SPMIP2: variants seen among roughly 807,000 people sequenced by gnomAD.
SPMIP2 encodes the protein protein SPMIP2.
the SPMIP2 span, chr4:158,973,238 C>A: frequency 1.2e-6 from 2 of 1,613,692 alleles, no homozygotes; most frequent in Non-Finnish European, 8.5e-7. Flanking sequence ...TTTTTTCTAA[C>A]GCCAGATGCT....
At chr4:159,009,619 TATC>T in the SPMIP2 span, among the ~76,000 whole-genome samples, 4 of 152,278 alleles carry the variant, frequency 2.6e-5, no homozygotes, top group South Asian at 8.3e-4. Context: ...AAGGTAATCT[TATC>T]TTCAAATGTC....
the SPMIP2 span, among the ~76,000 whole-genome samples, chr4:159,031,846 T>C: frequency 4.6e-5 from 7 of 152,170 alleles, no homozygotes; most frequent in African/African-American, 1.7e-4. Flanking sequence ...TGTTTTAAAA[T>C]AGTCACAATA....
the SPMIP2 span, among the ~76,000 whole-genome samples, chr4:158,909,666 C>G: frequency 2.7e-5 from 4 of 150,916 alleles, no homozygotes; most frequent in African/African-American, 7.3e-5. Context: ...CCTCAAACTT[C>G]TGGCCTCAAG....
the SPMIP2 span, chr4:159,007,201 G>A: frequency 1.3e-4 from 171 of 1,320,320 alleles, no homozygotes; most frequent in Non-Finnish European, 9.2e-5. Flanking sequence ...TTTCCAGGAG[G>A]CTGAGGAATT....
the SPMIP2 span, among the ~76,000 whole-genome samples, chr4:158,952,578 G>T: frequency 6.6e-6 from 1 of 152,148 alleles, no homozygotes; most frequent in African/African-American, 2.4e-5. Context: ...CCAGGAGTGG[G>T]GTGTTACTGA....
chr4:159,022,430 C>T, the SPMIP2 span, among the ~76,000 whole-genome samples: 6 of 152,216 alleles, frequency 3.9e-5, no homozygotes, highest in Non-Finnish European at 7.4e-5. Flanking sequence ...AAAATTAGAT[C>T]GTAAAGAGCA....
the SPMIP2 span, among the ~76,000 whole-genome samples, chr4:159,022,309 A>G: frequency 6.6e-6 from 1 of 152,238 alleles, no homozygotes; most frequent in African/African-American, 2.4e-5. Flanking sequence ...GGCAGAAAAC[A>G]TATTCCATTT....
At chr4:159,053,245 C>A in the SPMIP2 span, among the ~76,000 whole-genome samples, 1 of 152,036 alleles carries the variant, frequency 6.6e-6, no homozygotes, top group African/African-American at 2.4e-5. Flanking sequence ...CGTGAGCCAC[C>A]GCGCCCGGCC....
chr4:159,066,563 T>C, the SPMIP2 span, among the ~76,000 whole-genome samples: 1 of 149,088 alleles, frequency 6.7e-6, no homozygotes, highest in East Asian at 1.9e-4. Context: ...CCTATATATG[T>C]ATGGGATGAC....
At chr4:159,057,848 T>C in the SPMIP2 span, among the ~76,000 whole-genome samples, 1 of 152,138 alleles carries the variant, frequency 6.6e-6, no homozygotes, top group African/African-American at 2.4e-5. Context: ...AAGTAGAAAA[T>C]GGCAATTGTA....
the SPMIP2 span, among the ~76,000 whole-genome samples, chr4:159,023,871 T>C: frequency 6.6e-6 from 1 of 152,210 alleles, no homozygotes; most frequent in Non-Finnish European, 1.5e-5. Context: ...GTCACCTGAC[T>C]GCCAAGAATA....
chr4:158,993,613 T>G, the SPMIP2 span, among the ~76,000 whole-genome samples: 1 of 152,110 alleles, frequency 6.6e-6, no homozygotes, highest in East Asian at 1.9e-4. Flanking sequence ...AGCTACTACA[T>G]GTCAGGCACT....
At chr4:158,946,681 C>T in the SPMIP2 span, among the ~76,000 whole-genome samples, 1 of 152,164 alleles carries the variant, frequency 6.6e-6, no homozygotes, top group Non-Finnish European at 1.5e-5. Context: ...TTCTTTATAG[C>T]CATGTGAAAA....
chr4:158,900,985 T>C, the SPMIP2 span, among the ~76,000 whole-genome samples: 1 of 152,184 alleles, frequency 6.6e-6, no homozygotes, highest in South Asian at 2.1e-4. Flanking sequence ...CTTTTTCCTT[T>C]CCATGTAGTG....
At chr4:159,004,559 G>T in the SPMIP2 span, among the ~76,000 whole-genome samples, 2 of 152,008 alleles carry the variant, frequency 1.3e-5, no homozygotes, top group African/African-American at 4.8e-5. Context: ...CCAAAGTGCT[G>T]GGATTACAGA....
the SPMIP2 span, among the ~76,000 whole-genome samples, chr4:158,996,974 A>G: frequency 3.9e-5 from 6 of 152,316 alleles, no homozygotes; most frequent in East Asian, 1.2e-3. Context: ...CCCAAATAAA[A>G]TGGAAGCTCT....
the SPMIP2 span, among the ~76,000 whole-genome samples, chr4:159,017,928 A>G: frequency 6.6e-6 from 1 of 152,202 alleles, no homozygotes; most frequent in Non-Finnish European, 1.5e-5. Flanking sequence ...TGCATCACAC[A>G]AATCTAGGAC....
chr4:159,010,853 T>A, the SPMIP2 span, among the ~76,000 whole-genome samples: 3 of 152,116 alleles, frequency 2.0e-5, no homozygotes, highest in Non-Finnish European at 4.4e-5. Context: ...ATTTTTAAAC[T>A]CTAAGTGCAA....
At chr4:158,972,569 G>T in the SPMIP2 span, among the ~76,000 whole-genome samples, 1 of 152,300 alleles carries the variant, frequency 6.6e-6, no homozygotes, top group Admixed American at 6.5e-5. Context: ...AGGATCTCAT[G>T]CCTATGTCTA....
Sources: allele counts gnomAD v4.1 joint callset (sites outside exome capture counted in the v4.1 genomes callset), GRCh38; gene constraint gnomAD v4.1.1; transcripts MANE v1.5; gene names NCBI Gene and HGNC (gene_info 2026-07-23, HGNC 2026-07-21).